Variants in GALNT17 observed in about 807,000 individuals in gnomAD.
GALNT17 encodes polypeptide N-acetylgalactosaminyltransferase 17.
A neutral mutation model predicts 63.7 loss-of-function variants in GALNT17; 29 were observed. That is an observed-to-expected ratio of 0.46 (90% confidence interval 0.34 to 0.62). GALNT17 has a LOEUF of 0.62. Ranked by LOEUF, GALNT17 falls within the 20% of genes least tolerant of loss-of-function variation. The pLI, the probability that GALNT17 is intolerant of heterozygous loss-of-function variation, is 0.01. For synonymous variants in GALNT17, 305 were observed against 318.3 expected (o/e 0.96, Z 0.45); for missense variants, 603 against 799.6 (o/e 0.75, Z 2.97).
chr7:71,466,600 T>C (rs1021109572), intron 5 of GALNT17, among the ~76,000 whole-genome samples: 1 of 152,180 alleles, frequency 6.6e-6, no homozygotes, highest in Non-Finnish European at 1.5e-5. Flanking sequence ...CTGACACTTT[T>C]TGTGGTCCAA....
intron 5 of GALNT17, among the ~76,000 whole-genome samples, chr7:71,543,180 A>G (rs1483475437): frequency 1.3e-5 from 2 of 152,190 alleles, no homozygotes; most frequent in Non-Finnish European, 2.9e-5. Flanking sequence ...TGCCTGTGAA[A>G]TTGACCCTGA....
intron 5 of GALNT17, among the ~76,000 whole-genome samples, chr7:71,459,998 G>T (rs147402604): frequency 1.3e-5 from 2 of 152,122 alleles, no homozygotes; most frequent in African/African-American, 2.4e-5. Flanking sequence ...CCGCAGCTTC[G>T]AATTGTCCTG....
At chr7:71,628,737 C>G (rs2116984849) in intron 6 of GALNT17, among the ~76,000 whole-genome samples, 1 of 151,960 alleles carries the variant, frequency 6.6e-6, no homozygotes, top group South Asian at 2.1e-4. Context: ...TCGAGACCAG[C>G]CTGGCCAACA....
chr7:71,680,854 T>TTTC (rs1420077783), intron 9 of GALNT17, among the ~76,000 whole-genome samples: 3 of 148,858 alleles, frequency 2.0e-5, no homozygotes, highest in African/African-American at 7.4e-5. Context: ...TCCTTTCCTT[T>TTTC]TTTCTTTCCT....
At chr7:71,387,526 A>G (rs142029105) in intron 2 of GALNT17, among the ~76,000 whole-genome samples, 5 of 152,114 alleles carry the variant, frequency 3.3e-5, no homozygotes, top group East Asian at 2.0e-4. Flanking sequence ...GGATCTTGCT[A>G]TGTTGCCCAG....
chr7:71,478,839 G>T (rs369674728), intron 5 of GALNT17, among the ~76,000 whole-genome samples: 1 of 152,302 alleles, frequency 6.6e-6, no homozygotes, highest in South Asian at 2.1e-4. Context: ...GGCAAAAATT[G>T]TACCAGTGTT....
At chr7:71,237,431 G>A (rs1045049006) in intron 1 of GALNT17, among the ~76,000 whole-genome samples, 9 of 149,528 alleles carry the variant, frequency 6.0e-5, no homozygotes, top group African/African-American at 2.2e-4. Context: ...TGTAATCCCA[G>A]CGCTTTGGGA....
chr7:71,515,160 A>G (rs1011021315), intron 5 of GALNT17, among the ~76,000 whole-genome samples: 1 of 152,166 alleles, frequency 6.6e-6, no homozygotes, highest in Admixed American at 6.5e-5. Flanking sequence ...GTATGTCCTT[A>G]TAGCAGTGTT....
At chr7:71,486,568 C>T (rs1022191722) in intron 5 of GALNT17, among the ~76,000 whole-genome samples, 3 of 151,602 alleles carry the variant, frequency 2.0e-5, no homozygotes, top group African/African-American at 7.3e-5. Context: ...AAGAGCCTCT[C>T]TCTTCTGGAC....
At chr7:71,246,783 CGCGCCA>C (rs1429385409) in intron 1 of GALNT17, among the ~76,000 whole-genome samples, 24 of 151,676 alleles carry the variant, frequency 1.6e-4, no homozygotes, top group African/African-American at 5.8e-4. Flanking sequence ...GAGCTGAGAA[CGCGCCA>C]CTGCATTCCA....
intron 5 of GALNT17, among the ~76,000 whole-genome samples, chr7:71,557,627 TAATAA>T (rs1232537714): frequency 3.9e-5 from 6 of 152,016 alleles, no homozygotes; most frequent in Admixed American, 3.9e-4. Flanking sequence ...ACCCTGTCTC[TAATAA>T]AAAATAAAAT....
chr7:71,670,965 A>G (rs1470805124), intron 8 of GALNT17, among the ~76,000 whole-genome samples: 1 of 151,352 alleles, frequency 6.6e-6, no homozygotes, highest in African/African-American at 2.4e-5. Context: ...TATTTTTTTT[A>G]CTAAAACCAT....
chr7:71,137,294 C>T (rs1203898586), intron 1 of GALNT17, among the ~76,000 whole-genome samples: 4 of 152,116 alleles, frequency 2.6e-5, no homozygotes, highest in South Asian at 2.1e-4. Flanking sequence ...CGTCCGCCAC[C>T]ACGCCCGGCT....
At chr7:71,313,822 C>A (rs1431242176) in intron 1 of GALNT17, among the ~76,000 whole-genome samples, 3 of 152,026 alleles carry the variant, frequency 2.0e-5, no homozygotes, top group Non-Finnish European at 4.4e-5. Context: ...TCCAGAGTAA[C>A]TATTTCGGTG....
rs577226264 is a variant in GALNT17 at position 71,469,633 on chromosome 7, A to T, written c.962+48528A>T. ...TGGTTGGAACACTTGACCACTGTTGATTGGCCAAAACTCGGTGACTGGCAG... is the reference window on the plus strand; with the variant it reads ...TGGTTGGAACACTTGACCACTGTTGTTTGGCCAAAACTCGGTGACTGGCAG... On this transcript the variant is annotated intron_variant, in intron 5 of 10. Coordinates refer to ENST00000333538, the MANE Select transcript of GALNT17 (RefSeq NM_022479.3). Among the ~76,000 whole-genome samples the T allele has an allele frequency of 8.5e-4, 129 of 152,300 alleles. 1 individual carries two copies. The highest frequency in any genetic ancestry group is 2.9e-3 in the African/African-American group (122 of 41,562).
intron 2 of GALNT17, among the ~76,000 whole-genome samples, chr7:71,343,428 G>A (rs1441282062): frequency 3.3e-5 from 5 of 152,156 alleles, no homozygotes; most frequent in Non-Finnish European, 7.3e-5. Flanking sequence ...TTATAAATAT[G>A]AATGAATGTT....
intron 6 of GALNT17, among the ~76,000 whole-genome samples, chr7:71,628,983 T>C (rs10265750): frequency 6.6e-6 from 1 of 152,074 alleles, no homozygotes; most frequent in East Asian, 1.9e-4. Flanking sequence ...TCTGAACCAC[T>C]GTTCAGACTG....
At chr7:71,268,872 A>G (rs1300200819) in intron 1 of GALNT17, among the ~76,000 whole-genome samples, 3 of 152,106 alleles carry the variant, frequency 2.0e-5, no homozygotes, top group Admixed American at 6.5e-5. Flanking sequence ...GGGCAGCAAT[A>G]GAGTGGCCTA....
At chr7:71,335,983 ATTCTTCTTC>A (rs59602104) in intron 2 of GALNT17, among the ~76,000 whole-genome samples, 5 of 133,536 alleles carry the variant, frequency 3.7e-5, no homozygotes, top group Admixed American at 7.8e-5. Flanking sequence ...TTGTATTTTA[ATTCTTCTTC>A]TTCTTCTTCT....
Sources: gnomAD v4.1 joint callset for allele counts (sites outside exome capture counted in the v4.1 genomes callset) on GRCh38, gnomAD v4.1.1 for gene constraint, MANE v1.5 for transcripts, NCBI Gene and HGNC (gene_info 2026-07-23, HGNC 2026-07-21) for gene names.